GALNT13: variants seen among roughly 807,000 people sequenced by gnomAD.
GALNT13 encodes UDP-GalNAc:polypeptide N-acetylgalactosaminyltransferase 13.
A neutral mutation model predicts 64.2 loss-of-function variants in GALNT13; 28 were observed. The observed-to-expected ratio is 0.44, with a 90% CI of 0.32 to 0.60. The LOEUF is 0.60. Among genes scored for constraint, GALNT13 ranks in the 20% least tolerant of loss-of-function variants. GALNT13 has a pLI of 0.05. For synonymous variants in GALNT13, 214 were observed against 224.6 expected (o/e 0.95, Z 0.42); for missense variants, 577 against 669.8 (o/e 0.86, Z 1.53).
At chr2:153,293,759 GTT>G in the GALNT13 span, among the ~76,000 whole-genome samples, 3 of 71,754 alleles carry the variant, frequency 4.2e-5, no homozygotes, top group South Asian at 3.6e-4. Flanking sequence ...CTTTTTTTCT[GTT>G]TGTGTGTGTG....
intron 3 of GALNT13, among the ~76,000 whole-genome samples, chr2:154,052,930 G>A (rs985685599): frequency 2.0e-5 from 3 of 151,750 alleles, no homozygotes; most frequent in Non-Finnish European, 2.9e-5. Context: ...GTAGAGAGGG[G>A]GTTTCACCAT....
the GALNT13 span, among the ~76,000 whole-genome samples, chr2:153,319,909 A>G: frequency 1.3e-5 from 2 of 152,176 alleles, no homozygotes; most frequent in African/African-American, 4.8e-5. Context: ...CTTGCAGAGA[A>G]AAATACTGGC....
chr2:153,178,248 G>T, the GALNT13 span, among the ~76,000 whole-genome samples: 18 of 152,274 alleles, frequency 1.2e-4, no homozygotes, highest in Middle Eastern at 3.4e-3. Flanking sequence ...TGGATCATAT[G>T]ATAATATTGT....
At chr2:153,888,957 A>G (rs2105262186) in intron 1 of GALNT13, among the ~76,000 whole-genome samples, 1 of 152,130 alleles carries the variant, frequency 6.6e-6, no homozygotes, top group South Asian at 2.1e-4. Flanking sequence ...GATGTTTTCC[A>G]TAGTTATAAA....
chr2:154,159,572 G>A (rs1684615791), intron 4 of GALNT13, among the ~76,000 whole-genome samples: 1 of 152,102 alleles, frequency 6.6e-6, no homozygotes, highest in Admixed American at 6.5e-5. Flanking sequence ...AGAAAAACTT[G>A]ACTTTGATTT....
intron 9 of GALNT13, among the ~76,000 whole-genome samples, chr2:154,392,309 G>T (rs1698833348): frequency 6.6e-6 from 1 of 152,078 alleles, no homozygotes; most frequent in Non-Finnish European, 1.5e-5. Flanking sequence ...TGATGTAGCA[G>T]GGAAGAAATG....
At chr2:153,380,022 G>A in the GALNT13 span, among the ~76,000 whole-genome samples, 1 of 152,112 alleles carries the variant, frequency 6.6e-6, no homozygotes, top group Non-Finnish European at 1.5e-5. Context: ...ATTGGTACTT[G>A]AGAGATGAGA....
At chr2:153,191,151 A>C in the GALNT13 span, among the ~76,000 whole-genome samples, 1 of 152,046 alleles carries the variant, frequency 6.6e-6, no homozygotes, top group Non-Finnish European at 1.5e-5. Context: ...GTCTAGTTCC[A>C]GTTCTTACAG....
chr2:153,231,302 G>A, the GALNT13 span, among the ~76,000 whole-genome samples: 124,709 of 152,164 alleles, frequency 0.82, 52,203 homozygotes, highest in African/African-American at 0.88. Context: ...GCTCTAGAGT[G>A]TAGAGAGTTT....
chr2:153,761,848 A>G, the GALNT13 span: 2 of 154,614 alleles, frequency 1.3e-5, no homozygotes, highest in African/African-American at 4.8e-5. Context: ...CATTTTAACC[A>G]GCTGTCTGTC....
At chr2:153,654,847 C>T in the GALNT13 span, among the ~76,000 whole-genome samples, 1 of 152,040 alleles carries the variant, frequency 6.6e-6, no homozygotes, top group East Asian at 1.9e-4. Flanking sequence ...ATCTTGGAGC[C>T]AATTCTCCAT....
chr2:153,770,978 C>T, the GALNT13 span, among the ~76,000 whole-genome samples: 5 of 152,176 alleles, frequency 3.3e-5, no homozygotes, highest in Admixed American at 3.3e-4. Flanking sequence ...GTGGCCTAAA[C>T]TTCTAATCTA....
intron 4 of GALNT13, among the ~76,000 whole-genome samples, chr2:154,160,317 G>C (rs911473172): frequency 6.6e-6 from 1 of 152,052 alleles, no homozygotes; most frequent in African/African-American, 2.4e-5. Context: ...ATTTCTTTCA[G>C]TCTCTCTCAG....
intron 3 of GALNT13, among the ~76,000 whole-genome samples, chr2:154,113,224 G>T (rs904019473): frequency 0.01 from 2 of 192 alleles, no homozygotes; most frequent in Non-Finnish European, 0.023. Flanking sequence ...TCCACCTATG[G>T]GGGCCTGCAA....
At chr2:153,867,777 A>T (rs2105203141), upstream of GALNT13, among the ~76,000 whole-genome samples, 1 of 152,078 alleles carries the variant, frequency 6.6e-6, no homozygotes, top group African/African-American at 2.4e-5. Flanking sequence ...TAAGGAGCAC[A>T]ACCTAGTTCC....
intron 3 of GALNT13, among the ~76,000 whole-genome samples, chr2:154,032,474 A>T (rs1234299716): frequency 6.6e-6 from 1 of 152,038 alleles, no homozygotes; most frequent in African/African-American, 2.4e-5. Flanking sequence ...GCCAACCAAC[A>T]CACCAATACC....
At chr2:153,702,010 A>C in the GALNT13 span, among the ~76,000 whole-genome samples, 1 of 152,134 alleles carries the variant, frequency 6.6e-6, no homozygotes, top group African/African-American at 2.4e-5. Flanking sequence ...AAATTATTCT[A>C]CTCTAAAGAC....
At chr2:153,345,726 C>T in the GALNT13 span, among the ~76,000 whole-genome samples, 7 of 113,884 alleles carry the variant, frequency 6.1e-5, no homozygotes, top group African/African-American at 1.0e-4. Context: ...TCTGTCCTTC[C>T]TTCCTTCCTT....
At chr2:153,774,319 TC>T in the GALNT13 span, among the ~76,000 whole-genome samples, 1 of 152,094 alleles carries the variant, frequency 6.6e-6, no homozygotes, top group Non-Finnish European at 1.5e-5. Flanking sequence ...TCTCTCTCTC[TC>T]CCTTTTCTCT....
Sources: gnomAD v4.1 joint callset for allele counts (sites outside exome capture counted in the v4.1 genomes callset) on GRCh38, gnomAD v4.1.1 for gene constraint, MANE v1.5 for transcripts, NCBI Gene and HGNC (gene_info 2026-07-23, HGNC 2026-07-21) for gene names.